Variants in ATXN1 observed in about 807,000 individuals in gnomAD.
The protein encoded by ATXN1 is ataxin 1.
Under a neutral mutation model 56.4 loss-of-function variants are expected in ATXN1, and 8 were observed. The ratio of observed to expected loss-of-function variants is 0.14; its 90% CI spans 0.08 to 0.26. The LOEUF is 0.26. ATXN1 is among the 10% of genes least tolerant of loss of function. ATXN1 has a pLI of 1.00. For synonymous variants in ATXN1, 514 were observed against 494.6 expected (o/e 1.04, Z -0.52); for missense variants, 987 against 1,106.5 (o/e 0.89, Z 1.53).
At chr6:16,745,337 G>A (rs776837064) in intron 2 of ATXN1, among the ~76,000 whole-genome samples, 1 of 152,076 alleles carries the variant, frequency 6.6e-6, no homozygotes, top group African/African-American at 2.4e-5. Context: ...GAAACAACTC[G>A]AATGTCCAAA....
rs1761989430 is a variant in ATXN1 at position 16,555,220 on chromosome 6, C to T, written c.-361+30560G>A. Among the ~76,000 whole-genome samples the T allele has an allele frequency of 3.3e-5, 5 of 152,234 alleles. 1 individual carries two copies. In the South Asian group the frequency reaches 1.0e-3, roughly 31 times the overall value. ...TCATCCTTGGTCCTGATGTGATACT[C>T]TTTCCATCCCTTGCTTCCTGTGCTC... On this transcript the variant is annotated intron_variant, in intron 4 of 7. Coordinates refer to ENST00000436367, the MANE Select transcript of ATXN1 (RefSeq NM_001128164.2).
intron 6 of ATXN1, among the ~76,000 whole-genome samples, chr6:16,348,173 T>C (rs373611376): frequency 5.9e-5 from 9 of 152,342 alleles, no homozygotes; most frequent in African/African-American, 2.2e-4. Flanking sequence ...TGTGCTCAAG[T>C]GATCCTCAGC....
intron 6 of ATXN1, among the ~76,000 whole-genome samples, chr6:16,471,902 T>A (rs1760227331): frequency 6.6e-6 from 1 of 152,148 alleles, no homozygotes; most frequent in Non-Finnish European, 1.5e-5. Context: ...ACCACCCCCA[T>A]GCATTAATCA....
chr6:16,484,147 T>C (rs1760493360), intron 6 of ATXN1, among the ~76,000 whole-genome samples: 2 of 152,114 alleles, frequency 1.3e-5, no homozygotes, highest in African/African-American at 4.8e-5. Context: ...AAAAAGGTAG[T>C]ATGGGCTGGG....
At chr6:16,655,641 T>A (rs1466751532) in intron 3 of ATXN1, among the ~76,000 whole-genome samples, 1 of 151,888 alleles carries the variant, frequency 6.6e-6, no homozygotes, top group East Asian at 1.9e-4. Flanking sequence ...CAAGCTACGA[T>A]TGCACCACTG....
Position 16,760,984 on chromosome 6 carries a change from C to G in ATXN1, c.-730+314G>C, listed in dbSNP as rs1383182858. On this transcript the variant is annotated intron_variant, in intron 1 of 7. Coordinates refer to ENST00000436367, the MANE Select transcript of ATXN1 (RefSeq NM_001128164.2). This position sits in a 1 kb window ranked among gnomAD's most constrained non-coding sequence, Gnocchi z 5.3. ...GGGCGCCCACCCAGCCCCTGACAGC[C>G]CCCCCGCCGGCCGCCCCTGCGCCCA... Among the ~76,000 whole-genome samples the G allele has an allele frequency of 4.0e-5, 6 of 149,726 alleles. No individual in the cohort carries two copies. Among genetic ancestry groups the G allele is most frequent in the Admixed American group, 3.3e-4 (5 of 15,074 alleles).
At chr6:16,701,890 G>A (rs568387960) in intron 2 of ATXN1, among the ~76,000 whole-genome samples, 2 of 152,152 alleles carry the variant, frequency 1.3e-5, no homozygotes, top group Non-Finnish European at 2.9e-5. Context: ...AAGCAATATC[G>A]TCAAAATGGC....
chr6:16,555,833 C>G (rs765796390), intron 4 of ATXN1, among the ~76,000 whole-genome samples: 8 of 152,228 alleles, frequency 5.3e-5, no homozygotes, highest in Non-Finnish European at 1.0e-4. Context: ...CAACAAGCAT[C>G]AAAGCCTCAA....
intron 2 of ATXN1, among the ~76,000 whole-genome samples, chr6:16,709,560 A>G (rs1356094155): frequency 1.3e-5 from 2 of 152,050 alleles, no homozygotes; most frequent in African/African-American, 4.8e-5. Context: ...TTTTTAAATT[A>G]AATTTTAAAA....
chr6:16,425,400 C>T (rs1016640274), intron 6 of ATXN1, among the ~76,000 whole-genome samples: 4 of 152,190 alleles, frequency 2.6e-5, no homozygotes, highest in Non-Finnish European at 4.4e-5. Context: ...GGAATGCTCC[C>T]AACATAATAT....
chr6:16,707,443 C>T (rs1390489786), intron 2 of ATXN1, among the ~76,000 whole-genome samples: 1 of 152,198 alleles, frequency 6.6e-6, no homozygotes. Context: ...CTACTCTAAC[C>T]TGGACCCTCC....
At chr6:16,688,877 C>T (rs1241820897) in intron 2 of ATXN1, among the ~76,000 whole-genome samples, 1 of 152,006 alleles carries the variant, frequency 6.6e-6, no homozygotes, top group African/African-American at 2.4e-5. Context: ...CATCTCTCTC[C>T]TTTGTCTAGG....
chr6:16,325,125 T>C (rs992778037), intron 7 of ATXN1, among the ~76,000 whole-genome samples: 1 of 151,822 alleles, frequency 6.6e-6, no homozygotes, highest in Non-Finnish European at 1.5e-5. Context: ...TCTGTTTTTT[T>C]TTTTTTGTCT....
intron 5 of ATXN1, among the ~76,000 whole-genome samples, chr6:16,516,635 C>T (rs1481187933): frequency 2.6e-5 from 4 of 152,184 alleles, no homozygotes; most frequent in African/African-American, 9.7e-5. Flanking sequence ...TTTTGCTAAG[C>T]TACTGAAAGT....
chr6:16,371,721 T>C (rs969452337), intron 6 of ATXN1, among the ~76,000 whole-genome samples: 4 of 149,756 alleles, frequency 2.7e-5, no homozygotes, highest in Non-Finnish European at 5.9e-5. Flanking sequence ...TGGTTATTTA[T>C]TTTTATTTTT....
chr6:16,383,884 C>G (rs1323342934), intron 6 of ATXN1, among the ~76,000 whole-genome samples: 1 of 152,204 alleles, frequency 6.6e-6, no homozygotes, highest in Non-Finnish European at 1.5e-5. Flanking sequence ...GAGATTTGGT[C>G]AGTAAAGGAA....
intron 6 of ATXN1, among the ~76,000 whole-genome samples, chr6:16,360,365 A>G (rs1400666591): frequency 6.6e-6 from 1 of 152,232 alleles, no homozygotes; most frequent in East Asian, 1.9e-4. Flanking sequence ...TCCATTCCCA[A>G]GATTCAATAT....
At chr6:16,721,580 T>A (rs556332896) in intron 2 of ATXN1, among the ~76,000 whole-genome samples, 1 of 152,248 alleles carries the variant, frequency 6.6e-6, no homozygotes, top group Non-Finnish European at 1.5e-5. Flanking sequence ...TGAGCTATGA[T>A]CATGCCACTG....
chr6:16,518,218 C>A (rs928188831), intron 5 of ATXN1, among the ~76,000 whole-genome samples: 1 of 152,200 alleles, frequency 6.6e-6, no homozygotes, highest in Non-Finnish European at 1.5e-5. Context: ...GGAAACGCCA[C>A]GCCCCACCCC....
Sources: gnomAD v4.1 joint callset for allele counts (sites outside exome capture counted in the v4.1 genomes callset) on GRCh38, gnomAD v4.1.1 for gene constraint, Gnocchi (gnomAD v3.1) non-coding constraint, MANE v1.5 for transcripts, NCBI Gene and HGNC (gene_info 2026-07-23, HGNC 2026-07-21) for gene names.